CYP46A1: variants seen among roughly 807,000 people sequenced by gnomAD.
The protein encoded by CYP46A1 is cytochrome P450 family 46 subfamily A member 1, also known as cholesterol 24-hydroxylase.
CYP46A1 carries 20 observed loss-of-function variants against 63.3 expected under a neutral mutation model. The ratio of observed to expected loss-of-function variants is 0.32; its 90% CI spans 0.22 to 0.46. The LOEUF (loss-of-function observed/expected upper bound fraction) is 0.46. Ranked by LOEUF, CYP46A1 falls within the 20% of genes least tolerant of loss-of-function variation. The pLI is 1.00. For missense variants in CYP46A1, 445 were observed against 670.8 expected (o/e 0.66, Z 3.72); for synonymous variants, 268 against 273.6 (o/e 0.98, Z 0.20).
rs2056885665 is a variant in CYP46A1 at position 99,725,303 on chromosome 14, G to A, written c.1177-88G>A. The A allele has an allele frequency of 2.0e-6, 2 of 1,009,582 alleles. No individual in the cohort carries two copies. Among genetic ancestry groups the A allele is most frequent in the South Asian group, 1.4e-5 (1 of 73,884 alleles). The allele number at this position is 1,009,582 out of a possible 1,614,324, so 62.5% of individuals were successfully genotyped here. On this transcript the variant is annotated intron_variant, in intron 12 of 14. Transcript: ENST00000261835. The surrounding 1 kb of genome is among the most constrained non-coding windows in gnomAD (Gnocchi z 4.2). Reference sequence around the variant, plus strand: ...AGGAGAGTGGGACCCACTCTGCTCTGAGTAGCCCTGTTGGGTGGCCTCAGT... The same window carrying A: ...AGGAGAGTGGGACCCACTCTGCTCTAAGTAGCCCTGTTGGGTGGCCTCAGT...
At chr14:99,694,440 A>T in intron 3 of CYP46A1, among the ~76,000 whole-genome samples, 1 of 141,302 alleles carries the variant, frequency 7.1e-6, no homozygotes, top group African/African-American at 2.6e-5. Flanking sequence ...CCAAATAAGT[A>T]GCTTTTAGTT....
At chr14:99,716,332 G>A (rs2097605995) in intron 9 of CYP46A1, 133 bp downstream of exon 9, 2 of 874,064 alleles carry the variant, frequency 2.3e-6, no homozygotes, top group East Asian at 2.6e-5. Flanking sequence ...AGGGGGCTGG[G>A]CTGAAGGGAG....
At chr14:99,699,609 G>A (rs1256927461) in intron 4 of CYP46A1, 70 bp downstream of exon 4, 36 of 1,522,166 alleles carry the variant, frequency 2.4e-5, no homozygotes, top group Non-Finnish European at 2.9e-5. Flanking sequence ...GGCCAGTGCG[G>A]TCCAGAATGT....
At position 99,700,104 on chromosome 14, in the gene CYP46A1, G is replaced by A. The variant is rs1051114882; in HGVS notation, c.443+3G>A. On this transcript the variant is annotated splice_donor_region_variant and intron_variant, in intron 5 of 14. Coordinates refer to ENST00000261835, the MANE Select transcript of CYP46A1 (RefSeq NM_006668.2). ...ATAGACCTGGCCTTCAGCCGGAGGTGAGTGTGGCCGGAGGCTCCGTGGCTC... is the reference window on the plus strand; with the variant it reads ...ATAGACCTGGCCTTCAGCCGGAGGTAAGTGTGGCCGGAGGCTCCGTGGCTC... 6.3e-7 allele frequency: 1 copy of A among 1,593,160 alleles called. No individual in the cohort carries two copies. Among genetic ancestry groups the A allele is most frequent in the African/African-American group, 1.3e-5 (1 of 74,480 alleles).
rs543141128 is a variant in CYP46A1, at chr14:99,715,976, C to T, written c.844+16C>T. On this transcript the variant is annotated intron_variant, in intron 8 of 14. Transcript: ENST00000261835. ...ATTCTGAAAGGTGCAAGGGCCCCCT[C>T]TGCGGACTGGGGAGGGCGGGGTGGG... 2 of 1,090,770 alleles carry T rather than the reference C, an allele frequency of 1.8e-6. No individual in the cohort carries two copies. Among genetic ancestry groups the T allele is most frequent in the African/African-American group, 3.2e-5 (2 of 61,612 alleles). The allele number at this position is 1,090,770 out of a possible 1,614,324, so 67.6% of individuals were successfully genotyped here.
Position 99,700,237 on chromosome 14 carries a change from G to A in CYP46A1, c.443+136G>A, listed in dbSNP as rs1443798590. On this transcript the variant is annotated intron_variant, in intron 5 of 14. Coordinates refer to ENST00000261835, the MANE Select transcript of CYP46A1 (RefSeq NM_006668.2). The stretch of plus-strand genomic sequence containing the variant: ...AGCTGAAGGGAGAGAGGAAAAAGGG[G>A]AAAGACAGGGTGTTAATAGTCAAAA... 8.0e-6 allele frequency: 4 copies of A among 502,594 alleles called. No homozygotes were observed. The East Asian group carries it at 1.4e-4, about 17-fold the overall frequency. The allele number at this position is 502,594 out of a possible 1,614,324, so 31.1% of individuals were successfully genotyped here.
At chr14:99,691,364 A>G in intron 2 of CYP46A1, 2 of 608,986 alleles carry the variant, frequency 3.3e-6, no homozygotes, top group Non-Finnish European at 5.9e-6. Context: ...AGGACCTTAG[A>G]CCAGCCGTCA....
At chr14:99,684,565 TG>T in intron 1 of CYP46A1, 29 bp downstream of exon 1, 2 of 1,425,154 alleles carry the variant, frequency 1.4e-6, no homozygotes, top group Non-Finnish European at 1.8e-6. Flanking sequence ...GGGGCCTGGC[TG>T]GGGTGCTGGG....
At position 99,693,330 on chromosome 14, in the gene CYP46A1, A is replaced by G. The variant is rs534743570; in HGVS notation, c.282+1469A>G. The G allele has an allele frequency of 9.8e-5, 15 of 152,424 alleles. No homozygotes were observed. The East Asian group carries it at 2.9e-3, about 29-fold the overall frequency. The allele number at this position is 152,424 out of a possible 1,614,324, so 9.4% of individuals were successfully genotyped here. A position where few individuals can be genotyped will look rare whatever the true frequency, so the allele number is the denominator to read the frequency against. On this transcript the variant is annotated intron_variant, in intron 3 of 14. Coordinates refer to ENST00000261835, the MANE Select transcript of CYP46A1 (RefSeq NM_006668.2). Reference sequence around the variant, plus strand: ...TTTTTCATTAAAAGTTTAATTTCAAACATAGACACAATTTAAGACTTGTAA... The same window carrying G: ...TTTTTCATTAAAAGTTTAATTTCAAGCATAGACACAATTTAAGACTTGTAA...
chr14:99,698,443 A>G (rs902348918), intron 3 of CYP46A1, among the ~76,000 whole-genome samples: 2 of 152,158 alleles, frequency 1.3e-5, no homozygotes, highest in African/African-American at 4.8e-5. Flanking sequence ...ATGAGCATAA[A>G]AACAACACCC....
In CYP46A1 at chr14:99,717,404, G is replaced by C. The variant is rs140928814; in HGVS notation, c.908-650G>C. On this transcript the variant is annotated intron_variant, in intron 9 of 14. Coordinates refer to ENST00000261835, the MANE Select transcript of CYP46A1 (RefSeq NM_006668.2). ...AAGTGGCCTCCTATAGTCACAGCCC[G>C]CGATGCAGAGCTGGGGCCAGGGCTG... Among the ~76,000 whole-genome samples the C allele has an allele frequency of 4.9e-3, 743 of 152,246 alleles. 12 individuals are homozygous for C. The Middle Eastern group carries it at 0.051, about 10-fold the overall frequency.
intron 5 of CYP46A1, among the ~76,000 whole-genome samples, chr14:99,704,050 G>C (rs1267145475): frequency 6.6e-6 from 1 of 152,214 alleles, no homozygotes; most frequent in East Asian, 1.9e-4. Context: ...ACATAACCAT[G>C]TCATTGTCTT....
chr14:99,692,493 C>T lies in CYP46A1; in HGVS notation c.282+632C>T, dbSNP rs183123838. Among the ~76,000 whole-genome samples, 392 of 152,066 alleles carry T rather than the reference C, an allele frequency of 2.6e-3. 7 individuals carry two copies. The East Asian group carries it at 0.029, about 11-fold the overall frequency. On this transcript the variant is annotated intron_variant, in intron 3 of 14. Transcript: ENST00000261835. ...GGTGGAGGTTGCAGTGAGCAGAGAT[C>T]GTGCCATGGCACTCCAGCCTGGGTG...
At chr14:99,709,972 C>T (rs913033896) in intron 7 of CYP46A1, 1 of 152,024 alleles carries the variant, frequency 6.6e-6, no homozygotes, top group Non-Finnish European at 1.5e-5. Context: ...ATTATAGTAC[C>T]CAGTAATGCT....
intron 10 of CYP46A1, 50 bp downstream of exon 10, chr14:99,718,176 T>C (rs1458802884): frequency 1.3e-6 from 2 of 1,538,056 alleles, no homozygotes; most frequent in Non-Finnish European, 1.8e-6. Context: ...TGATTTCTTG[T>C]TCCTGAGGGC....
chr14:99,698,103 G>A (rs776349704), intron 3 of CYP46A1, among the ~76,000 whole-genome samples: 16 of 152,128 alleles, frequency 1.1e-4, no homozygotes, highest in Middle Eastern at 3.4e-3. Context: ...CTGAAAAATC[G>A]ATATTAAACC....
chr14:99,696,666 A>G (rs1039733062), intron 3 of CYP46A1, among the ~76,000 whole-genome samples: 13 of 152,168 alleles, frequency 8.5e-5, no homozygotes, highest in African/African-American at 2.2e-4. Flanking sequence ...TGTGGGTTCC[A>G]TGATCATATT....
Position 99,707,660 on chromosome 14 carries a change from C to T in CYP46A1, c.675C>T (p.Ser225=), listed in dbSNP as rs2056690406. 2 of 1,613,978 alleles carry T rather than the reference C, an allele frequency of 1.2e-6. No homozygotes were observed. Among genetic ancestry groups the T allele is most frequent in the East Asian group, 2.2e-5 (1 of 44,878 alleles). Residue 225 remains serine (S), a synonymous_variant, in exon 7 of 15, where the codon TCC becomes TCT. Transcript: ENST00000261835. ...VKLMLEGITA[S]RNTLAKFLPG... ...TTATGTTGGAGGGAATCACTGCGTC[C>T]CGCAACACTCTGGCAAAGGTACTGC...
intron 10 of CYP46A1, among the ~76,000 whole-genome samples, chr14:99,720,264 T>C (rs2056833684): frequency 6.6e-6 from 1 of 152,190 alleles, no homozygotes; most frequent in Non-Finnish European, 1.5e-5. Flanking sequence ...GAAGTGGGAT[T>C]GCTGGATCAT....
Sources: allele counts gnomAD v4.1 joint callset (sites outside exome capture counted in the v4.1 genomes callset), GRCh38; gene constraint gnomAD v4.1.1; non-coding constraint Gnocchi (gnomAD v3.1); transcripts MANE v1.5; gene names NCBI Gene and HGNC (gene_info 2026-07-23, HGNC 2026-07-21).